The following OTOG variants were observed in gnomAD, a reference collection of about 807,000 sequenced individuals.
OTOG encodes otogelin.
A neutral mutation model predicts 313.8 loss-of-function variants in OTOG; 296 were observed. The observed-to-expected ratio is 0.94, with a 90% CI of 0.86 to 1.04. The LOEUF (loss-of-function observed/expected upper bound fraction) is 1.04, where lower values mean the gene tolerates loss of function less well. OTOG is among the 50% of genes least tolerant of loss of function. OTOG has a pLI of 0.00. For synonymous variants in OTOG, 1,533 were observed against 1,554.9 expected, an observed-to-expected ratio of 0.99 and a Z score of 0.33; for missense variants, 3,948 against 3,840.1, an observed-to-expected ratio of 1.03 and a Z score of -0.74.
chr11:17,560,071 G>A (rs879942667), intron 12 of OTOG, among the ~76,000 whole-genome samples: 33 of 152,212 alleles, frequency 2.2e-4, no homozygotes, highest in African/African-American at 6.0e-4. Flanking sequence ...TCAGGACTGC[G>A]CTTCTTAAGG....
intron 10 of OTOG, 53 bp from the exon 11 acceptor site, chr11:17,558,999 G>T (rs1226958412): frequency 1.4e-6 from 2 of 1,387,886 alleles, no homozygotes; most frequent in Non-Finnish European, 2.0e-6. Context: ...ATGCTGGTGG[G>T]CTGGTGGCAC....
Position 17,591,723 on chromosome 11 carries a change from G to T in OTOG, c.3006+135G>T, listed in dbSNP as rs562288822. 7.6e-5 allele frequency: 90 copies of T among 1,182,370 alleles called. No homozygotes were observed. The African/African-American group carries it at 8.7e-4, about 11-fold the overall frequency. The allele number at this position is 1,182,370 out of a possible 1,614,324, so 73.2% of individuals were successfully genotyped here. On this transcript the variant is annotated intron_variant, in intron 25 of 55. Transcript: ENST00000399397. ...CTGAGGTGGGGCTATCTAGAGACTG[G>T]AAGAAGTGCTGAGGCACAAGCTCAG...
At chr11:17,628,297 T>C (rs1854033514) in intron 39 of OTOG, among the ~76,000 whole-genome samples, 1 of 152,312 alleles carries the variant, frequency 6.6e-6, no homozygotes, top group East Asian at 1.9e-4. Context: ...TTTCAGTTTT[T>C]TTCATAATTT....
Position 17,574,919 on chromosome 11 carries a change from G to A in OTOG, c.2486+7G>A, listed in dbSNP as rs774905533. On this transcript the variant is annotated splice_region_variant and intron_variant, in intron 20 of 55. Transcript: ENST00000399397. The stretch of plus-strand genomic sequence containing the variant: ...CTGACCTCTGTGTCCCCCGGTGAGT[G>A]GGTCAGCTTGATCTCTGAGTTGGGT... 1.1e-5 allele frequency: 16 copies of A among 1,487,576 alleles called. No individual in the cohort carries two copies. In the African/African-American group the frequency reaches 2.2e-4, roughly 21 times the overall value. The allele number at this position is 1,487,576 out of a possible 1,614,324, so 92.1% of individuals were successfully genotyped here. A position where few individuals can be genotyped will look rare whatever the true frequency, so the allele number is the denominator to read the frequency against.
Position 17,569,174 on chromosome 11 carries a change from G to T in OTOG, c.1663G>T (p.Val555Phe). The T allele has an allele frequency of 7.1e-6, 11 of 1,550,646 alleles. No individual in the cohort carries two copies. The highest frequency in any genetic ancestry group is 9.6e-6 in the Non-Finnish European group (11 of 1,147,022). The change falls in exon 16 of 56, where the codon GTC becomes TTC. Residue 555 changes from valine to phenylalanine, a missense_variant. By Grantham distance (50) the Val-to-Phe change is conservative. Transcript: ENST00000399397. Reference protein sequence around the residue: ...PCGLNQDGACVQSVSVILHQD... With the variant: ...PCGLNQDGACFQSVSVILHQD... ...TCTCCAGAACCAAGATGGAGCCTGT[G>T]TCCAGTCAGTGTCAGTGATTCTGCA...
intron 51 of OTOG, 101 bp from the exon 52 acceptor site, chr11:17,641,746 G>T (rs1468799562): frequency 1.2e-6 from 1 of 814,746 alleles, no homozygotes; most frequent in Non-Finnish European, 1.9e-6. Context: ...ACTTACAGAG[G>T]GTCCTTCCAG....
intron 23 of OTOG, 40 bp downstream of exon 23, chr11:17,578,566 C>A: frequency 6.7e-7 from 1 of 1,487,354 alleles, no homozygotes. Context: ...ATCCTGAAGG[C>A]TGGCAGAACC....
In OTOG at chr11:17,573,281, C is replaced by G. The variant is rs1389870405; in HGVS notation, c.2284C>G (p.Pro762Ala). Residue 762 changes from proline to alanine, a missense_variant, in exon 19 of 56, where the codon CCA becomes GCA. By Grantham distance (27) the Pro-to-Ala change is conservative (BLOSUM62 -1). Coordinates refer to ENST00000399397, the MANE Select transcript of OTOG (RefSeq NM_001292063.2). ...GLPVDFRARLPACALSCEASK... is the reference protein window; with the variant it reads ...GLPVDFRARLAACALSCEASK... ...CCCCGTTGATTTCCGCGCCCGCCTG[C>G]CAGCCTGTGGTGAGTGCCCCACCCA... 1 of 1,526,440 alleles carries G rather than the reference C, an allele frequency of 6.6e-7. No individual in the cohort carries two copies. Among genetic ancestry groups the G allele is most frequent in the African/African-American group, 1.4e-5 (1 of 72,832 alleles). The allele number at this position is 1,526,440 out of a possible 1,614,324, so 94.6% of individuals were successfully genotyped here.
At position 17,572,332 on chromosome 11, in the gene OTOG, G is replaced by A; in HGVS notation, c.2080+128G>A. The A allele has an allele frequency of 6.1e-6, 8 of 1,303,658 alleles. No homozygotes were observed. The Middle Eastern group carries it at 7.5e-4, about 123-fold the overall frequency. The allele number at this position is 1,303,658 out of a possible 1,614,324, so 80.8% of individuals were successfully genotyped here. ...TTTGTAGGAGTGATAAGAGAAGGAG[G>A]AGCAGCAGGGAGGGGAAAGGAGAGA... On this transcript the variant is annotated intron_variant, in intron 18 of 55. Transcript: ENST00000399397.
At chr11:17,611,974 G>A (rs564401633) in intron 36 of OTOG, among the ~76,000 whole-genome samples, 188 bp from the exon 37 acceptor site, 63 of 151,700 alleles carry the variant, frequency 4.2e-4, no homozygotes, top group African/African-American at 1.5e-3. Flanking sequence ...CCTGACCCCC[G>A]AGCTCACACT....
intron 3 of OTOG, among the ~76,000 whole-genome samples, chr11:17,550,169 G>A (rs1319822389): frequency 6.6e-6 from 1 of 152,164 alleles, no homozygotes; most frequent in African/African-American, 2.4e-5. Context: ...CAATAGACAT[G>A]ACAGATATTT....
At chr11:17,586,256 C>T (rs1384813423) in intron 23 of OTOG, among the ~76,000 whole-genome samples, 1 of 152,264 alleles carries the variant, frequency 6.6e-6, no homozygotes, top group Non-Finnish European at 1.5e-5. Context: ...ATGACAGAGA[C>T]TCAGGCTGGG....
At chr11:17,637,272 T>C (rs1854290076) in intron 47 of OTOG, among the ~76,000 whole-genome samples, 1 of 152,148 alleles carries the variant, frequency 6.6e-6, no homozygotes, top group Non-Finnish European at 1.5e-5. Context: ...TCACTACCTT[T>C]CCATGTTAAT....
intron 38 of OTOG, 60 bp from the exon 39 acceptor site, chr11:17,613,552 C>G (rs1429134565): frequency 7.1e-7 from 1 of 1,401,116 alleles, no homozygotes; most frequent in Non-Finnish European, 9.9e-7. Context: ...TGTGCCCACT[C>G]ACTTGGAGGG....
chr11:17,592,241 G>T lies in OTOG; in HGVS notation c.3006+653G>T, dbSNP rs140334477. On this transcript the variant is annotated intron_variant, in intron 25 of 55. Transcript: ENST00000399397. The stretch of plus-strand genomic sequence containing the variant: ...CCAGGGGACCTTGGGTTTGCTAATA[G>T]CCTATCTCATCTTATAAGAGTAACA... Among the ~76,000 whole-genome samples, 28 of 152,242 alleles carry T rather than the reference G, an allele frequency of 1.8e-4. 1 individual carries two copies. Among genetic ancestry groups the T allele is most frequent in the Admixed American group, 1.8e-3 (28 of 15,286 alleles).
At chr11:17,634,425 C>T (rs1016178287) in intron 44 of OTOG, 144 bp downstream of exon 44, 35 of 930,082 alleles carry the variant, frequency 3.8e-5, no homozygotes, top group Admixed American at 4.9e-5. Context: ...AGGGGAGAAC[C>T]CTCCCTGGGG....
chr11:17,622,641 T>C (rs1853892296), intron 39 of OTOG, among the ~76,000 whole-genome samples: 1 of 152,230 alleles, frequency 6.6e-6, no homozygotes, highest in Non-Finnish European at 1.5e-5. Context: ...TCATTTAACA[T>C]AATGACCTCC....
chr11:17,553,045 G>T, intron 4 of OTOG, 74 bp from the exon 5 acceptor site: 1 of 1,401,740 alleles, frequency 7.1e-7, no homozygotes, highest in Non-Finnish European at 9.8e-7. Flanking sequence ...ATCCTGTGAA[G>T]CCTGAGAGGG....
chr11:17,640,268 A>G (rs7944472), intron 49 of OTOG, among the ~76,000 whole-genome samples: 3,847 of 152,278 alleles, frequency 0.025, 168 homozygotes, highest in African/African-American at 0.087. Context: ...AAGCTAGTAT[A>G]TCATGGAGCC....
Sources: allele counts gnomAD v4.1 joint callset (sites outside exome capture counted in the v4.1 genomes callset), GRCh38; gene constraint gnomAD v4.1.1; transcripts MANE v1.5; gene names NCBI Gene and HGNC (gene_info 2026-07-23, HGNC 2026-07-21).